SLC2A9: variants seen among roughly 807,000 people sequenced by gnomAD.
The protein encoded by SLC2A9 is solute carrier family 2 member 9, also known as solute carrier family 2, facilitated glucose transporter member 9.
A neutral mutation model predicts 50.6 loss-of-function variants in SLC2A9; 39 were observed. The ratio of observed to expected loss-of-function variants is 0.77; its 90% CI spans 0.60 to 1.01. SLC2A9 has a LOEUF of 1.01. Among genes scored for constraint, SLC2A9 ranks in the 50% least tolerant of loss-of-function variants. SLC2A9 has a pLI of 0.00. For synonymous variants in SLC2A9, 324 were observed against 276.9 expected (o/e 1.17, Z -1.69); for missense variants, 686 against 677.6 (o/e 1.01, Z -0.14).
In SLC2A9 at chr4:9,980,637, G is replaced by T. The variant is rs750524950; in HGVS notation, c.636C>A (p.Gly212=). 1 of 1,614,138 alleles carries T rather than the reference G, an allele frequency of 6.2e-7. No homozygotes were observed. Among genetic ancestry groups the T allele is most frequent in the Non-Finnish European group, 8.5e-7 (1 of 1,180,020 alleles). The change falls in exon 5 of 12, where the codon GGC becomes GGA. Residue 212 remains glycine, a synonymous_variant. Transcript: ENST00000264784. ...GQVTAIFICI[G]VFTGQLLGLP... ...GGCCCAGAAGCTGCCCAGTGAACACGCCAATGCAGATAAAGATGGCAGTCA... is the reference window on the plus strand; with the variant it reads ...GGCCCAGAAGCTGCCCAGTGAACACTCCAATGCAGATAAAGATGGCAGTCA...
chr4:9,869,557 T>C (rs531642304), intron 10 of SLC2A9, among the ~76,000 whole-genome samples: 1 of 152,304 alleles, frequency 6.6e-6, no homozygotes, highest in East Asian at 1.9e-4. Flanking sequence ...GGCCAACCAT[T>C]TCCTGCTCTG....
At chr4:9,961,568 T>C (rs1329542560) in intron 5 of SLC2A9, among the ~76,000 whole-genome samples, 2 of 151,994 alleles carry the variant, frequency 1.3e-5, no homozygotes, top group Non-Finnish European at 2.9e-5. Flanking sequence ...ATGGATTAAA[T>C]GTAAAACCCA....
downstream of SLC2A9, among the ~76,000 whole-genome samples, chr4:9,779,590 A>G (rs1718050061): frequency 6.6e-6 from 1 of 151,478 alleles, no homozygotes; most frequent in South Asian, 2.1e-4. Flanking sequence ...AATTTTTTGT[A>G]TTTTTAGTAG....
Position 9,885,489 on chromosome 4 carries a change from ACTT to A in SLC2A9, c.1291+2075_1291+2077del, listed in dbSNP as rs143581887. On this transcript the variant is annotated intron_variant, in intron 10 of 11. Transcript: ENST00000264784. Reference sequence around the variant, plus strand: ...GCAGGAAAAGGGGTCTGCTCTCTCCACTTCTTCTCTCCTCCAAGGTTTGTTTTG... The same window carrying A: ...GCAGGAAAAGGGGTCTGCTCTCTCCACTTCTCTCCTCCAAGGTTTGTTTTG... Among the ~76,000 whole-genome samples, 1,219 of 152,100 alleles carry A rather than the reference ACTT, an allele frequency of 8.0e-3. 16 individuals carry two copies. Among genetic ancestry groups the A allele is most frequent in the African/African-American group, 0.028 (1,146 of 41,458 alleles).
exon 4 of SLC2A9, chr4:9,779,994 TGGTGGC>T (rs1718114500): frequency 6.6e-6 from 1 of 152,472 alleles, no homozygotes; most frequent in Non-Finnish European, 1.5e-5. Flanking sequence ...TGTTCTTTTT[TGGTGGC>T]GGTGGTGGTG....
chr4:9,912,888 G>C (rs906125585), intron 7 of SLC2A9, among the ~76,000 whole-genome samples: 5 of 152,180 alleles, frequency 3.3e-5, no homozygotes, highest in Non-Finnish European at 5.9e-5. Context: ...TAATCACCAG[G>C]GTCCTTAAAG....
chr4:9,888,314 T>C (rs918513907), intron 9 of SLC2A9, among the ~76,000 whole-genome samples: 1 of 151,656 alleles, frequency 6.6e-6, no homozygotes, highest in Admixed American at 6.6e-5. Flanking sequence ...TTTCCTCATA[T>C]ACATTTTAAA....
At chr4:9,853,047 G>A (rs1000481750) in intron 10 of SLC2A9, among the ~76,000 whole-genome samples, 1 of 152,038 alleles carries the variant, frequency 6.6e-6, no homozygotes, top group Admixed American at 6.6e-5. Context: ...GTGGTGGTGT[G>A]CACCTGTAAT....
rs556602870 is a variant in SLC2A9, at chr4:9,929,567, G to A, written c.815-8995C>T. 3.0e-4 allele frequency among the ~76,000 whole-genome samples: 46 copies of A among 152,324 alleles called. No individual in the cohort carries two copies. The South Asian group carries it at 8.9e-3, about 30-fold the overall frequency. Reference sequence around the variant, plus strand: ...AGAGGCACGTGCTGTGCTTAAGGTGGGCAAACATTGGCCCATACCTGAGCC... The same window carrying A: ...AGAGGCACGTGCTGTGCTTAAGGTGAGCAAACATTGGCCCATACCTGAGCC... On this transcript the variant is annotated intron_variant, in intron 6 of 11. Coordinates refer to ENST00000264784, the MANE Select transcript of SLC2A9 (RefSeq NM_020041.3).
chr4:10,039,606 G>A (rs1203615331), intron 1 of SLC2A9, among the ~76,000 whole-genome samples: 1 of 152,118 alleles, frequency 6.6e-6, no homozygotes, highest in African/African-American at 2.4e-5. Context: ...CATTCAGGGG[G>A]TTCTATCTCT....
At chr4:9,816,361 G>A (rs1723593789) in intron 3 of SLC2A9, among the ~76,000 whole-genome samples, 1 of 152,136 alleles carries the variant, frequency 6.6e-6, no homozygotes, top group African/African-American at 2.4e-5. Context: ...GAGGAGAACG[G>A]TGGTTTTCAG....
chr4:10,019,038 C>A lies in SLC2A9; in HGVS notation c.186G>T (p.Ala62=), dbSNP rs1368470329. 2.6e-6 allele frequency: 4 copies of A among 1,550,952 alleles called. No individual in the cohort carries two copies. The highest frequency in any genetic ancestry group is 1.2e-5 in the South Asian group (1 of 84,032). The part of the protein sequence containing the change: ...WSCSLLVASL[A]GAFGSSFLYG... ...AGAGGAAGGAGGAGCCGAAGGCGCC[C>A]GCGAGGGAGGCCACGAGGAGCGAGC... The change falls in exon 2 of 12, where the codon GCG becomes GCT. Residue 62 remains alanine, a synonymous_variant. Coordinates refer to ENST00000264784, the MANE Select transcript of SLC2A9 (RefSeq NM_020041.3).
chr4:9,892,348 C>T (rs1737643056), intron 8 of SLC2A9, among the ~76,000 whole-genome samples: 1 of 149,460 alleles, frequency 6.7e-6, no homozygotes, highest in Admixed American at 6.6e-5. Flanking sequence ...TGGCTGATGA[C>T]CACATGTCTC....
chr4:9,883,769 C>G (rs891246711), intron 10 of SLC2A9, among the ~76,000 whole-genome samples: 2 of 152,210 alleles, frequency 1.3e-5, no homozygotes, highest in East Asian at 1.9e-4. Flanking sequence ...CCCCTTCTAT[C>G]TGAGTTCCCT....
intron 11 of SLC2A9, 45 bp from the exon 12 acceptor site, chr4:9,826,645 A>C: frequency 2.5e-6 from 4 of 1,571,866 alleles, no homozygotes; most frequent in Non-Finnish European, 3.5e-6. Context: ...ATAATCAGTA[A>C]ACTTGCTGTT....
intron 5 of SLC2A9, among the ~76,000 whole-genome samples, chr4:9,962,223 A>G (rs187319306): frequency 6.6e-6 from 1 of 152,378 alleles, no homozygotes; most frequent in East Asian, 1.9e-4. Context: ...CTGGGTATAT[A>G]CCCAAATGAA....
intron 5 of SLC2A9, among the ~76,000 whole-genome samples, chr4:9,977,328 G>A (rs1754966210): frequency 6.6e-6 from 1 of 152,030 alleles, no homozygotes; most frequent in Admixed American, 6.5e-5. Context: ...TATGAAATAT[G>A]ACAAATCTGG....
At chr4:10,027,575 C>T (rs538554408) in intron 1 of SLC2A9, among the ~76,000 whole-genome samples, 13 of 152,264 alleles carry the variant, frequency 8.5e-5, no homozygotes, top group African/African-American at 2.9e-4. Context: ...TGAGGTTGAC[C>T]TCTCCTCTTG....
intron 3 of SLC2A9, among the ~76,000 whole-genome samples, chr4:9,789,458 C>G (rs1341725625): frequency 6.6e-6 from 1 of 152,136 alleles, no homozygotes; most frequent in East Asian, 1.9e-4. Context: ...TGGGAAGCTA[C>G]TAGGGATCAA....
Sources: gnomAD v4.1 joint callset for allele counts (sites outside exome capture counted in the v4.1 genomes callset) on GRCh38, gnomAD v4.1.1 for gene constraint, MANE v1.5 for transcripts, NCBI Gene and HGNC (gene_info 2026-07-23, HGNC 2026-07-21) for gene names.